Variants in SUFU observed in about 807,000 individuals in gnomAD.
The protein encoded by SUFU is SUFU negative regulator of hedgehog signaling.
Under a neutral mutation model 58.9 loss-of-function variants are expected in SUFU, and 7 were observed. The ratio of observed to expected loss-of-function variants is 0.12; its 90% confidence interval spans 0.07 to 0.22. The LOEUF (loss-of-function observed/expected upper bound fraction) is 0.22. SUFU is among the 10% of genes least tolerant of loss of function. SUFU has a pLI of 1.00. For synonymous variants in SUFU, 232 were observed against 254.8 expected (o/e 0.91, Z 0.85); for missense variants, 451 against 641.3 (o/e 0.70, Z 3.20).
intron 8 of SUFU, among the ~76,000 whole-genome samples, chr10:102,606,753 C>G (rs2063565715): frequency 6.6e-6 from 1 of 152,080 alleles, no homozygotes; most frequent in Admixed American, 6.6e-5. Context: ...GACCATTTAG[C>G]TGAGAGAGGC....
chr10:102,625,882 C>G lies in SUFU; in HGVS notation c.1297-1293C>G, dbSNP rs989909323. The stretch of plus-strand genomic sequence containing the variant: ...CCTGTGTGCACTCCTTCCTTGTTAT[C>G]TCACAGCGTGGAAACTTTTGTTCTT... On this transcript the variant is annotated intron_variant, in intron 10 of 11. Transcript: ENST00000369902. This position sits in a 1 kb window ranked among gnomAD's most constrained non-coding sequence, Gnocchi z 4.7. 6.6e-6 allele frequency among the ~76,000 whole-genome samples: 1 copy of G among 152,224 alleles called. No homozygotes were observed. Among genetic ancestry groups the G allele is most frequent in the Non-Finnish European group, 1.5e-5 (1 of 68,044 alleles).
chr10:102,549,636 G>A (rs1179537121), intron 2 of SUFU, among the ~76,000 whole-genome samples: 2 of 152,170 alleles, frequency 1.3e-5, no homozygotes, highest in Non-Finnish European at 1.5e-5. Context: ...CATGAACAAG[G>A]GAGATTTTCA....
intron 1 of SUFU, among the ~76,000 whole-genome samples, chr10:102,507,433 C>G (rs995447996): frequency 6.6e-6 from 1 of 152,202 alleles, no homozygotes; most frequent in African/African-American, 2.4e-5. Context: ...GATCTCTACT[C>G]TTTTCTTTCT....
At chr10:102,530,341 C>T (rs1483575500) in intron 2 of SUFU, among the ~76,000 whole-genome samples, 1 of 152,114 alleles carries the variant, frequency 6.6e-6, no homozygotes, top group Non-Finnish European at 1.5e-5. Flanking sequence ...CCTCACTTCC[C>T]AACTTCCCTG....
At chr10:102,544,107 A>G (rs1353665882) in intron 2 of SUFU, among the ~76,000 whole-genome samples, 2 of 151,882 alleles carry the variant, frequency 1.3e-5, no homozygotes, top group Non-Finnish European at 2.9e-5. Context: ...TCACAAAAAA[A>G]AGATGAGCTT....
intron 3 of SUFU, among the ~76,000 whole-genome samples, chr10:102,570,890 A>C (rs1257963175): frequency 6.6e-6 from 1 of 152,156 alleles, no homozygotes; most frequent in East Asian, 1.9e-4. Flanking sequence ...CATATTTTCC[A>C]GTGGTCAGAT....
chr10:102,551,500 T>C (rs2062914447), intron 3 of SUFU, among the ~76,000 whole-genome samples: 1 of 151,718 alleles, frequency 6.6e-6, no homozygotes, highest in African/African-American at 2.4e-5. Flanking sequence ...TAGCCAGGCA[T>C]GGTGGTGGGC....
intron 3 of SUFU, among the ~76,000 whole-genome samples, chr10:102,583,045 G>A (rs1010417147): frequency 5.9e-5 from 9 of 152,146 alleles, no homozygotes; most frequent in African/African-American, 2.2e-4. Flanking sequence ...CCCTCTGAAG[G>A]GGCCAAGAGC....
chr10:102,515,311 G>A (rs916832045), intron 2 of SUFU, among the ~76,000 whole-genome samples: 4 of 150,060 alleles, frequency 2.7e-5, no homozygotes, highest in East Asian at 1.9e-4. Context: ...TTAGTTTGCC[G>A]GAACTTTTTT....
At chr10:102,504,438 T>C in intron 1 of SUFU, 104 bp downstream of exon 1, 1 of 1,546,070 alleles carries the variant, frequency 6.5e-7, no homozygotes, top group Non-Finnish European at 8.7e-7. Context: ...TAGAGAATGG[T>C]TAAAGCACTC....
At position 102,547,905 on chromosome 10, in the gene SUFU, C is replaced by G. The variant is rs1288573363; in HGVS notation, c.318-2065C>G. Among the ~76,000 whole-genome samples the G allele has an allele frequency of 2.6e-5, 4 of 151,938 alleles. No homozygotes were observed. In the East Asian group the frequency reaches 7.7e-4, roughly 29 times the overall value. On this transcript the variant is annotated intron_variant, in intron 2 of 11. Coordinates refer to ENST00000369902, the MANE Select transcript of SUFU (RefSeq NM_016169.4). ...GTGGCTCATATCTGTAATCCCAATA[C>G]TTTGAGAGGCTGAGGCCAAAGGATT...
chr10:102,627,034 A>G (rs1177229740), intron 10 of SUFU, 141 bp from the exon 11 acceptor site: 3 of 906,686 alleles, frequency 3.3e-6, no homozygotes, highest in Non-Finnish European at 5.3e-6. Flanking sequence ...ACAGGCCTCA[A>G]ACACTTCCCT....
chr10:102,507,349 CTG>C (rs1297013866), intron 1 of SUFU, among the ~76,000 whole-genome samples: 5 of 152,158 alleles, frequency 3.3e-5, no homozygotes, highest in Non-Finnish European at 7.4e-5. Flanking sequence ...CAGCAGGAAA[CTG>C]GAGCAGGTAT....
At chr10:102,613,893 G>A (rs914874220) in intron 8 of SUFU, among the ~76,000 whole-genome samples, 5 of 152,316 alleles carry the variant, frequency 3.3e-5, no homozygotes, top group African/African-American at 9.6e-5. Flanking sequence ...ACAGCTCACC[G>A]TGCCAAGGCC....
rs553926011 is a variant in SUFU, at chr10:102,625,732, A to T, written c.1297-1443A>T. ...ATGAGCAGTTAGCATGCCCGGTATG[A>T]TGGCGGCTTTTCTGCTCACTTGGGG... On this transcript the variant is annotated intron_variant, in intron 10 of 11. Coordinates refer to ENST00000369902, the MANE Select transcript of SUFU (RefSeq NM_016169.4). The surrounding 1 kb of genome is among the most constrained non-coding windows in gnomAD (Gnocchi z 4.7). Among the ~76,000 whole-genome samples, 1 of 152,214 alleles carries T rather than the reference A, an allele frequency of 6.6e-6. No individual in the cohort carries two copies. Among genetic ancestry groups the T allele is most frequent in the East Asian group, 1.9e-4 (1 of 5,178 alleles).
At chr10:102,622,106 C>T (rs920632314) in intron 10 of SUFU, among the ~76,000 whole-genome samples, 8 of 152,194 alleles carry the variant, frequency 5.3e-5, no homozygotes, top group Non-Finnish European at 7.3e-5. Context: ...GGCCTAGATT[C>T]CAAGCCCCCC....
chr10:102,509,861 A>G (rs917185886), intron 2 of SUFU, among the ~76,000 whole-genome samples: 4 of 151,886 alleles, frequency 2.6e-5, no homozygotes, highest in African/African-American at 9.7e-5. Context: ...TTTTGGAGAT[A>G]GGGTCTCACT....
intron 2 of SUFU, among the ~76,000 whole-genome samples, chr10:102,546,016 T>C (rs1318605004): frequency 2.0e-5 from 3 of 152,220 alleles, no homozygotes; most frequent in Admixed American, 6.5e-5. Flanking sequence ...ATGCTGACTT[T>C]CAGCAGTCAT....
chr10:102,551,563 G>A (rs1471776109), intron 3 of SUFU, among the ~76,000 whole-genome samples: 2 of 151,436 alleles, frequency 1.3e-5, no homozygotes, highest in South Asian at 2.1e-4. Context: ...GCTTGAACGC[G>A]GGAGGCAGAT....
Sources: allele counts gnomAD v4.1 joint callset (sites outside exome capture counted in the v4.1 genomes callset), GRCh38; gene constraint gnomAD v4.1.1; non-coding constraint Gnocchi (gnomAD v3.1); transcripts MANE v1.5; gene names NCBI Gene and HGNC (gene_info 2026-07-23, HGNC 2026-07-21).